STAG1: variants seen among roughly 807,000 people sequenced by gnomAD.
The protein encoded by STAG1 is cohesin subunit SA-1.
STAG1 carries 26 observed loss-of-function variants against 170.9 expected under a neutral mutation model. That is an observed-to-expected ratio of 0.15 (90% CI 0.11 to 0.21). The LOEUF (loss-of-function observed/expected upper bound fraction) is 0.21. STAG1 is among the 10% of genes least tolerant of loss of function. The probability of loss-of-function intolerance (pLI) is 1.00; values close to 1 mark genes in which losing one functional copy is unlikely to be tolerated. For synonymous variants in STAG1, 514 were observed against 497.7 expected, an observed-to-expected ratio of 1.03 and a Z score of -0.44; for missense variants, 964 against 1,509.5, an observed-to-expected ratio of 0.64 and a Z score of 5.99.
chr3:136,618,821 T>G (rs1030817793), intron 3 of STAG1, among the ~76,000 whole-genome samples: 1 of 152,088 alleles, frequency 6.6e-6, no homozygotes, highest in African/African-American at 2.4e-5. Context: ...TGTGGTTATG[T>G]AAGAAAAAAT....
At chr3:136,384,739 G>C (rs748464464) in intron 22 of STAG1, among the ~76,000 whole-genome samples, 1 of 150,980 alleles carries the variant, frequency 6.6e-6, no homozygotes, top group East Asian at 1.9e-4. Flanking sequence ...CTGCACTCTA[G>C]CCTGGGCAAC....
chr3:136,477,482 A>G, intron 9 of STAG1, 70 bp from the exon 10 acceptor site: 1 of 1,370,578 alleles, frequency 7.3e-7, no homozygotes, highest in East Asian at 2.4e-5. Context: ...CTCGCTTTCC[A>G]TAAGCAATAA....
At chr3:136,685,838 T>C (rs1200630788) in intron 1 of STAG1, among the ~76,000 whole-genome samples, 1 of 152,068 alleles carries the variant, frequency 6.6e-6, no homozygotes, top group Non-Finnish European at 1.5e-5. Flanking sequence ...AAGCAAAATA[T>C]TTCAGCTGGG....
intron 1 of STAG1, among the ~76,000 whole-genome samples, chr3:136,740,221 C>T (rs1269674387): frequency 6.6e-6 from 1 of 152,008 alleles, no homozygotes; most frequent in Non-Finnish European, 1.5e-5. Flanking sequence ...CCAGCCCGGG[C>T]AACAAAGCGA....
At chr3:136,703,853 T>C (rs1943148398) in intron 1 of STAG1, among the ~76,000 whole-genome samples, 2 of 151,568 alleles carry the variant, frequency 1.3e-5, no homozygotes, top group South Asian at 4.2e-4. Context: ...CTACTAAAAA[T>C]ACAAAATAAT....
intron 12 of STAG1, among the ~76,000 whole-genome samples, chr3:136,466,977 C>T (rs1397870456): frequency 6.6e-6 from 1 of 152,184 alleles, no homozygotes; most frequent in Non-Finnish European, 1.5e-5. Flanking sequence ...ACCACCAAGC[C>T]TGCCCTACAA....
intron 19 of STAG1, among the ~76,000 whole-genome samples, chr3:136,422,098 G>T (rs982510110): frequency 4.2e-5 from 6 of 142,600 alleles, no homozygotes; most frequent in African/African-American, 1.6e-4. Context: ...GGTGAGCAAC[G>T]AACTGAGATC....
chr3:136,633,242 C>A (rs888676342), intron 1 of STAG1, among the ~76,000 whole-genome samples: 1 of 144,964 alleles, frequency 6.9e-6, no homozygotes, highest in African/African-American at 2.6e-5. Flanking sequence ...AAAATGTGAT[C>A]ATTGAAGTAA....
intron 1 of STAG1, among the ~76,000 whole-genome samples, chr3:136,714,938 A>AAT (rs71714671): frequency 0.099 from 9,402 of 95,240 alleles, 417 homozygotes; most frequent in Admixed American, 0.13. Context: ...ATATATATTA[A>AAT]ATATATATAT....
At chr3:136,660,757 C>T (rs1290346577) in intron 1 of STAG1, among the ~76,000 whole-genome samples, 1 of 151,622 alleles carries the variant, frequency 6.6e-6, no homozygotes, top group African/African-American at 2.4e-5. Flanking sequence ...TCACTTGAGC[C>T]CAGCAGTTTG....
At chr3:136,422,119 A>G (rs1468173479) in intron 19 of STAG1, among the ~76,000 whole-genome samples, 12 of 148,024 alleles carry the variant, frequency 8.1e-5, no homozygotes, top group Non-Finnish European at 4.4e-5. Context: ...GTGCCACTGC[A>G]CTCTAGCCTG....
chr3:136,529,248 T>G (rs191271453), intron 6 of STAG1, among the ~76,000 whole-genome samples: 79 of 152,228 alleles, frequency 5.2e-4, no homozygotes, highest in Non-Finnish European at 9.7e-4. Flanking sequence ...AATAAAATAA[T>G]AGATGGAAAC....
At chr3:136,467,922 C>T (rs113219441) in intron 12 of STAG1, among the ~76,000 whole-genome samples, 105 of 152,194 alleles carry the variant, frequency 6.9e-4, no homozygotes, top group African/African-American at 2.4e-3. Flanking sequence ...GGGTACATAA[C>T]GAAATGAAGG....
intron 20 of STAG1, 130 bp from the exon 21 acceptor site, chr3:136,418,102 C>A: frequency 1.4e-6 from 1 of 708,828 alleles, no homozygotes; most frequent in Non-Finnish European, 2.3e-6. Flanking sequence ...GCCTGTAATC[C>A]CAGCACTCTG....
intron 1 of STAG1, among the ~76,000 whole-genome samples, chr3:136,675,892 TA>T (rs1184958293): frequency 6.6e-6 from 1 of 152,264 alleles, no homozygotes; most frequent in Non-Finnish European, 1.5e-5. Flanking sequence ...AGAAATTATC[TA>T]ATGATGCATT....
At chr3:136,511,792 C>A (rs1268620041) in intron 7 of STAG1, among the ~76,000 whole-genome samples, 1 of 152,040 alleles carries the variant, frequency 6.6e-6, no homozygotes, top group Non-Finnish European at 1.5e-5. Context: ...TACCCCTGAA[C>A]GTCAAATAAA....
rs1576784506 is a variant in STAG1 at position 136,702,091 on chromosome 3, G to C, written c.-84+50104C>G. ...CCATGCCGAAAGAGAGAGAGAGAGA[G>C]AGAGAGAGAGAGAGAGAGAGAGAGA... is the stretch of plus-strand genomic sequence containing the variant. On this transcript the variant is annotated intron_variant, in intron 1 of 33. Transcript: ENST00000383202. Among the ~76,000 whole-genome samples the C allele has an allele frequency of 2.4e-4, 23 of 96,248 alleles. No homozygotes were observed. In the South Asian group the frequency reaches 7.3e-3, roughly 31 times the overall value. The allele number at this position is 96,248 out of a possible 152,430, so 63.1% of individuals were successfully genotyped here.
In STAG1 at chr3:136,703,878, G is replaced by A. The variant is rs150083293; in HGVS notation, c.-84+48317C>T. 4.0e-5 allele frequency among the ~76,000 whole-genome samples: 6 copies of A among 151,770 alleles called. No individual in the cohort carries two copies. In the East Asian group the frequency reaches 1.2e-3, roughly 30 times the overall value. On this transcript the variant is annotated intron_variant, in intron 1 of 33. Transcript: ENST00000383202. ...TACAAAATAATTAGCCAGGCATGGTGGCACACACCTATAGTCCCAGCTACT... is the reference window on the plus strand; with the variant it reads ...TACAAAATAATTAGCCAGGCATGGTAGCACACACCTATAGTCCCAGCTACT...
intron 1 of STAG1, among the ~76,000 whole-genome samples, chr3:136,650,365 T>G (rs541055908): frequency 6.6e-6 from 1 of 152,244 alleles, no homozygotes; most frequent in Non-Finnish European, 1.5e-5. Flanking sequence ...AAGAAAATAG[T>G]CATTTTTAAA....
Sources: allele counts gnomAD v4.1 joint callset (sites outside exome capture counted in the v4.1 genomes callset), GRCh38; gene constraint gnomAD v4.1.1; transcripts MANE v1.5; gene names NCBI Gene and HGNC (gene_info 2026-07-23, HGNC 2026-07-21).